The following PTPRG variants were observed in gnomAD, a reference collection of about 807,000 sequenced individuals.
PTPRG encodes the protein protein tyrosine phosphatase receptor type G.
Under a neutral mutation model 165.3 loss-of-function variants are expected in PTPRG, and 102 were observed. The ratio of observed to expected loss-of-function variants is 0.62; its 90% CI spans 0.53 to 0.73. The LOEUF (loss-of-function observed/expected upper bound fraction) is 0.73. Among genes scored for constraint, PTPRG ranks in the 30% least tolerant of loss-of-function variants. The probability of loss-of-function intolerance (pLI) is 0.00; values close to 1 mark genes in which losing one functional copy is unlikely to be tolerated. For synonymous variants in PTPRG, 675 were observed against 669.5 expected, an observed-to-expected ratio of 1.01 and a Z score of -0.13; for missense variants, 1,866 against 1,861.4, an observed-to-expected ratio of 1.00 and a Z score of -0.05.
chr3:62,011,490 T>A (rs956581456), intron 4 of PTPRG, among the ~76,000 whole-genome samples: 2 of 152,216 alleles, frequency 1.3e-5, no homozygotes, highest in Non-Finnish European at 2.9e-5. Flanking sequence ...ATCCCATGGT[T>A]ATCTGGTGTT....
chr3:61,684,738 G>A (rs1013050401), intron 1 of PTPRG, among the ~76,000 whole-genome samples: 25 of 152,228 alleles, frequency 1.6e-4, no homozygotes, highest in African/African-American at 5.5e-4. Flanking sequence ...ATTAGCAAAT[G>A]TGGATTAATG....
chr3:61,734,416 T>C (rs1198557024), intron 1 of PTPRG, among the ~76,000 whole-genome samples: 1 of 152,196 alleles, frequency 6.6e-6, no homozygotes, highest in East Asian at 1.9e-4. Context: ...CACTTAATAC[T>C]CACTTACTGA....
chr3:62,106,994 A>G (rs1044811608), intron 5 of PTPRG, among the ~76,000 whole-genome samples: 2 of 152,222 alleles, frequency 1.3e-5, no homozygotes, highest in Non-Finnish European at 2.9e-5. Context: ...CACTGGCAAT[A>G]TAAGTGTCAG....
At chr3:62,189,370 G>C (rs1424427565) in intron 8 of PTPRG, among the ~76,000 whole-genome samples, 1 of 152,154 alleles carries the variant, frequency 6.6e-6, no homozygotes, top group Non-Finnish European at 1.5e-5. Flanking sequence ...CCTGTCCCCA[G>C]AGCTGCCTTG....
chr3:62,166,488 A>G (rs1704990832), intron 7 of PTPRG, among the ~76,000 whole-genome samples: 2 of 151,368 alleles, frequency 1.3e-5, no homozygotes, highest in Admixed American at 1.3e-4. Context: ...GGCATGCACC[A>G]TTATGCCTGG....
chr3:62,182,870 T>C (rs549236273), intron 8 of PTPRG, among the ~76,000 whole-genome samples: 1 of 152,264 alleles, frequency 6.6e-6, no homozygotes, highest in African/African-American at 2.4e-5. Context: ...TTGGCCAGGA[T>C]GGTCTCGATC....
At chr3:62,176,947 CT>C (rs924000205) in intron 8 of PTPRG, among the ~76,000 whole-genome samples, 1 of 152,050 alleles carries the variant, frequency 6.6e-6, no homozygotes, top group Non-Finnish European at 1.5e-5. Flanking sequence ...AATATCTAAG[CT>C]TCTATTTCCT....
At chr3:62,137,988 A>C (rs529926779) in intron 6 of PTPRG, among the ~76,000 whole-genome samples, 1 of 152,344 alleles carries the variant, frequency 6.6e-6, no homozygotes, top group Non-Finnish European at 1.5e-5. Context: ...GATCAGCTTC[A>C]ATGATTGCTC....
intron 2 of PTPRG, among the ~76,000 whole-genome samples, chr3:61,810,863 A>T (rs1184820675): frequency 6.6e-6 from 1 of 151,830 alleles, no homozygotes; most frequent in Non-Finnish European, 1.5e-5. Flanking sequence ...CTTTTACTTT[A>T]GCGTTCCACC....
chr3:61,815,272 T>C (rs2035722519), intron 2 of PTPRG, among the ~76,000 whole-genome samples: 2 of 148,176 alleles, frequency 1.3e-5, no homozygotes, highest in South Asian at 4.3e-4. Flanking sequence ...CAGTTGGGCA[T>C]GGTGATGTGC....
intron 28 of PTPRG, among the ~76,000 whole-genome samples, chr3:62,285,012 G>T (rs1702587598): frequency 6.6e-6 from 1 of 151,992 alleles, no homozygotes; most frequent in Non-Finnish European, 1.5e-5. Context: ...CATCCCAGAG[G>T]TGCTAAGCAA....
At chr3:61,809,820 C>T (rs1384370578) in intron 2 of PTPRG, among the ~76,000 whole-genome samples, 3 of 152,164 alleles carry the variant, frequency 2.0e-5, no homozygotes, top group Non-Finnish European at 2.9e-5. Context: ...TTGAGAGCCA[C>T]GGAAGCTTTT....
chr3:61,947,354 T>C (rs1559706519), intron 2 of PTPRG, among the ~76,000 whole-genome samples: 1 of 152,214 alleles, frequency 6.6e-6, no homozygotes, highest in East Asian at 1.9e-4. Context: ...AAATTATACA[T>C]ACAAAATACG....
chr3:61,854,392 A>G (rs1273079080), intron 2 of PTPRG, among the ~76,000 whole-genome samples: 1 of 152,204 alleles, frequency 6.6e-6, no homozygotes, highest in African/African-American at 2.4e-5. Context: ...AGAAATTAAT[A>G]AGGGAAGACA....
intron 2 of PTPRG, among the ~76,000 whole-genome samples, chr3:61,756,743 A>G (rs184772456): frequency 2.0e-5 from 3 of 152,306 alleles, no homozygotes; most frequent in Non-Finnish European, 4.4e-5. Context: ...TAGCAGTAAG[A>G]TGAAATACTG....
intron 1 of PTPRG, among the ~76,000 whole-genome samples, chr3:61,619,543 A>G (rs1435545007): frequency 6.6e-6 from 1 of 152,184 alleles, no homozygotes; most frequent in African/African-American, 2.4e-5. Flanking sequence ...CCAAAATGTC[A>G]GCAATGCAGC....
Position 61,608,614 on chromosome 3 carries a change from T to A in PTPRG, c.85+46242T>A, listed in dbSNP as rs186301963. Among the ~76,000 whole-genome samples, 1,221 of 152,290 alleles carry A rather than the reference T, an allele frequency of 8.0e-3. 16 individuals are homozygous for A. The highest frequency in any genetic ancestry group is 8.2e-3 in the Non-Finnish European group (556 of 68,016). Reference sequence around the variant, plus strand: ...GAAGCACCTGGATTCTTGTTCGACTTCTTTGAGCTGCTCAATCAGCTGGCT... The same window carrying A: ...GAAGCACCTGGATTCTTGTTCGACTACTTTGAGCTGCTCAATCAGCTGGCT... On this transcript the variant is annotated intron_variant, in intron 1 of 29. Transcript: ENST00000474889.
chr3:62,288,578 C>T (rs1291426035), intron 28 of PTPRG, among the ~76,000 whole-genome samples: 2 of 150,928 alleles, frequency 1.3e-5, no homozygotes, highest in Non-Finnish European at 2.9e-5. Flanking sequence ...GAGGCTGAGG[C>T]AGGAGAATCG....
At chr3:61,948,118 A>G (rs1462106969) in intron 2 of PTPRG, among the ~76,000 whole-genome samples, 1 of 152,156 alleles carries the variant, frequency 6.6e-6, no homozygotes, top group Non-Finnish European at 1.5e-5. Context: ...TGAGGTCGGG[A>G]GTTCAAGACC....
Sources: gnomAD v4.1 joint callset for allele counts (sites outside exome capture counted in the v4.1 genomes callset) on GRCh38, gnomAD v4.1.1 for gene constraint, MANE v1.5 for transcripts, NCBI Gene and HGNC (gene_info 2026-07-23, HGNC 2026-07-21) for gene names.